The following DNMT3A variants were observed in gnomAD, a reference collection of about 807,000 sequenced individuals.
The protein encoded by DNMT3A is DNA (cytosine-5)-methyltransferase 3A.
DNMT3A carries 267 observed loss-of-function variants against 117.6 expected under a neutral mutation model. The ratio of observed to expected loss-of-function variants is 2.27; its 90% CI spans 2.05 to 2.51. The LOEUF (loss-of-function observed/expected upper bound fraction) is 2.51, where lower values mean the gene tolerates loss of function less well. DNMT3A is among the 30% of genes most tolerant of loss of function. The pLI is 0.00. For missense variants in DNMT3A, 1,029 were observed against 1,260.2 expected, an observed-to-expected ratio of 0.82 and a Z score of 2.78; for synonymous variants, 432 against 474.8, an observed-to-expected ratio of 0.91 and a Z score of 1.17.
rs946165348 is a variant in DNMT3A at position 25,254,305 on chromosome 2, C to T, written c.640-6053G>A. Among the ~76,000 whole-genome samples, 3 of 151,906 alleles carry T rather than the reference C, an allele frequency of 2.0e-5. No homozygotes were observed. Among genetic ancestry groups the T allele is most frequent in the Non-Finnish European group, 4.4e-5 (3 of 67,992 alleles). ...TACAGGTGCTGGTATAATGAAGTCA[C>T]GAGATGTGCAGTGAGGGAGCCCCCC... On this transcript the variant is annotated intron_variant, in intron 6 of 22. Transcript: ENST00000321117. This position sits in a 1 kb window ranked among gnomAD's most constrained non-coding sequence, Gnocchi z 4.7.
At chr2:25,270,142 C>T (rs983643393) in intron 6 of DNMT3A, among the ~76,000 whole-genome samples, 1 of 152,218 alleles carries the variant, frequency 6.6e-6, no homozygotes, top group Non-Finnish European at 1.5e-5. Context: ...TGCACCACCA[C>T]AACAAACTCC....
intron 3 of DNMT3A, among the ~76,000 whole-genome samples, chr2:25,292,868 A>G (rs888888399): frequency 1.3e-5 from 2 of 152,162 alleles, no homozygotes; most frequent in Admixed American, 6.5e-5. Context: ...AACAGGAGGA[A>G]CAATGCAGGT....
At chr2:25,275,442 AC>A in intron 5 of DNMT3A, 57 bp downstream of exon 5, 1 of 1,334,188 alleles carries the variant, frequency 7.5e-7, no homozygotes, top group Non-Finnish European at 1.0e-6. Context: ...CACACTCGCC[AC>A]CCGTGTCCTT....
At chr2:25,301,142 G>T (rs192806251) in intron 2 of DNMT3A, among the ~76,000 whole-genome samples, 17 of 151,620 alleles carry the variant, frequency 1.1e-4, no homozygotes, top group African/African-American at 3.6e-4. Context: ...GGTGGCACGC[G>T]CCTGTAGTCT....
intron 3 of DNMT3A, among the ~76,000 whole-genome samples, chr2:25,289,454 AG>A (rs549722106): frequency 3.3e-5 from 5 of 152,298 alleles, no homozygotes; most frequent in African/African-American, 4.8e-5. Context: ...CATCCCACAC[AG>A]GACTGGGCAT....
Position 25,273,776 on chromosome 2 carries a change from G to C in DNMT3A, c.639+1165C>G, listed in dbSNP as rs576502201. Among the ~76,000 whole-genome samples the C allele has an allele frequency of 2.0e-5, 3 of 152,204 alleles. No individual in the cohort carries two copies. In the South Asian group the frequency reaches 6.2e-4, roughly 32 times the overall value. On this transcript the variant is annotated intron_variant, in intron 6 of 22. Transcript: ENST00000321117. ...CCAGCTCCTTTCCAGGTTGTCCAACGCCATGGGCATGTCTCAGTGAATTCA... is the reference window on the plus strand; with the variant it reads ...CCAGCTCCTTTCCAGGTTGTCCAACCCCATGGGCATGTCTCAGTGAATTCA...
At chr2:25,243,738 A>G (rs1674353545) in intron 16 of DNMT3A, among the ~76,000 whole-genome samples, 160 bp downstream of exon 16, 2 of 152,244 alleles carry the variant, frequency 1.3e-5, no homozygotes, top group African/African-American at 2.4e-5. Flanking sequence ...AAGTCCACGG[A>G]CTGCATACGT....
At position 25,311,008 on chromosome 2, in the gene DNMT3A, G is replaced by T. The variant is rs2034081609; in HGVS notation, c.72+2905C>A. Among the ~76,000 whole-genome samples the T allele has an allele frequency of 6.6e-6, 1 of 152,188 alleles. No individual in the cohort carries two copies. On this transcript the variant is annotated intron_variant, in intron 2 of 22. Coordinates refer to ENST00000321117, the MANE Select transcript of DNMT3A (RefSeq NM_022552.5). The surrounding 1 kb of genome is among the most constrained non-coding windows in gnomAD (Gnocchi z 5.2). ...GGGCTTTGAGGCTTTGACCAGGGAG[G>T]AGAAGAGATTAGGGAAAGGGCCCAT... is the stretch of plus-strand genomic sequence containing the variant.
intron 6 of DNMT3A, 71 bp from the exon 7 acceptor site, chr2:25,248,323 G>C (rs1190383851): frequency 2.6e-6 from 4 of 1,526,910 alleles, no homozygotes; most frequent in Non-Finnish European, 3.6e-6. Flanking sequence ...ACACTCAAGG[G>C]GACCATGTTT....
chr2:25,287,690 G>T (rs1017472111), intron 3 of DNMT3A, among the ~76,000 whole-genome samples: 1 of 151,722 alleles, frequency 6.6e-6, no homozygotes, highest in Non-Finnish European at 1.5e-5. Flanking sequence ...AGTGAGTAGA[G>T]GCTAGGGAAG....
chr2:25,242,482 T>C (rs1573320092), intron 16 of DNMT3A, among the ~76,000 whole-genome samples: 1 of 152,004 alleles, frequency 6.6e-6, no homozygotes, highest in Non-Finnish European at 1.5e-5. Flanking sequence ...CCTCCTGGGG[T>C]GTGACATGAT....
Position 25,282,748 on chromosome 2 carries a change from G to C in DNMT3A, c.178-37C>G, listed in dbSNP as rs546926931. ...AGAAAGATACACAAGAGGAGGGTTA[G>C]ATCAGTGGGCTTAGCCTGTTTTGGA... On this transcript the variant is annotated intron_variant, in intron 3 of 22. Coordinates refer to ENST00000321117, the MANE Select transcript of DNMT3A (RefSeq NM_022552.5). This position sits in a 1 kb window ranked among gnomAD's most constrained non-coding sequence, Gnocchi z 5.2. 6.6e-6 allele frequency: 10 copies of C among 1,504,498 alleles called. No individual in the cohort carries two copies. In the Admixed American group the frequency reaches 9.4e-5, roughly 14 times the overall value. 93.2% of individuals were successfully genotyped at this position (1,504,498 alleles called of 1,614,324 possible). A position where few individuals can be genotyped will look rare whatever the true frequency, so the allele number is the denominator to read the frequency against.
At position 25,327,260 on chromosome 2, in the gene DNMT3A, C is replaced by T. The variant is rs958421529; in HGVS notation, c.-177-13099G>A. ...TATGTGAAACTTTCCTTGTTCCAAT[C>T]ACCATGTGGTTTCTGTCTTCTGAAT... On this transcript the variant is annotated intron_variant, in intron 1 of 22. Coordinates refer to ENST00000321117, the MANE Select transcript of DNMT3A (RefSeq NM_022552.5). The surrounding 1 kb of genome is among the most constrained non-coding windows in gnomAD (Gnocchi z 4.1). Among the ~76,000 whole-genome samples, 4 of 152,208 alleles carry T rather than the reference C, an allele frequency of 2.6e-5. No homozygotes were observed. The highest frequency in any genetic ancestry group is 9.7e-5 in the African/African-American group (4 of 41,442).
At chr2:25,325,438 G>T (rs949193030) in intron 1 of DNMT3A, among the ~76,000 whole-genome samples, 2 of 152,078 alleles carry the variant, frequency 1.3e-5, no homozygotes, top group Non-Finnish European at 2.9e-5. Context: ...AGCGGCCCAC[G>T]GTCATCTGCA....
chr2:25,251,833 C>T (rs992829547), intron 6 of DNMT3A: 4 of 349,878 alleles, frequency 1.1e-5, no homozygotes, highest in Middle Eastern at 7.4e-4. Flanking sequence ...GTGCCAGGCA[C>T]CCATCTGCCA....
intron 2 of DNMT3A, among the ~76,000 whole-genome samples, chr2:25,309,780 G>A (rs1028560265): frequency 1.6e-4 from 24 of 152,192 alleles, no homozygotes; most frequent in African/African-American, 4.6e-4. Context: ...TAGGCCCGGC[G>A]TGGTGGCTCA....
intron 4 of DNMT3A, among the ~76,000 whole-genome samples, chr2:25,278,771 A>T (rs547447078): frequency 6.6e-6 from 1 of 152,152 alleles, no homozygotes; most frequent in Non-Finnish European, 1.5e-5. Flanking sequence ...GGTTGCAGTA[A>T]GCCAAGATTG....
chr2:25,272,056 G>A (rs1315586039), intron 6 of DNMT3A, among the ~76,000 whole-genome samples: 4 of 152,068 alleles, frequency 2.6e-5, no homozygotes, highest in Non-Finnish European at 2.9e-5. Context: ...GCACAATCTC[G>A]GCTCACTGCA....
Position 25,237,756 on chromosome 2 carries a change from C to G in DNMT3A, c.2409-751G>C, listed in dbSNP as rs1220914697. On this transcript the variant is annotated intron_variant, in intron 20 of 22. Transcript: ENST00000321117. This position sits in a 1 kb window ranked among gnomAD's most constrained non-coding sequence, Gnocchi z 5.4. ...CTCCAGCCTGGGCGACAGAGCAAGA[C>G]TCTGTCTCCAAAAAAAAAAAAAACC... 6.6e-6 allele frequency among the ~76,000 whole-genome samples: 1 copy of G among 151,224 alleles called. No individual in the cohort carries two copies. Among genetic ancestry groups the G allele is most frequent in the Non-Finnish European group, 1.5e-5 (1 of 67,804 alleles).
Sources: allele counts gnomAD v4.1 joint callset (sites outside exome capture counted in the v4.1 genomes callset), GRCh38; gene constraint gnomAD v4.1.1; non-coding constraint Gnocchi (gnomAD v3.1); transcripts MANE v1.5; gene names NCBI Gene and HGNC (gene_info 2026-07-23, HGNC 2026-07-21).